PTPRM: variants seen among roughly 807,000 people sequenced by gnomAD.
PTPRM encodes the protein receptor-type tyrosine-protein phosphatase mu.
PTPRM carries 47 observed loss-of-function variants against 186.7 expected under a neutral mutation model. That is an observed-to-expected ratio of 0.25 (90% CI 0.20 to 0.32). The LOEUF (loss-of-function observed/expected upper bound fraction) is 0.32. PTPRM is among the 10% of genes least tolerant of loss of function. The pLI is 1.00. For missense variants in PTPRM, 1,494 were observed against 1,865.0 expected, an observed-to-expected ratio of 0.80 and a Z score of 3.66; for synonymous variants, 668 against 674.9, an observed-to-expected ratio of 0.99 and a Z score of 0.16.
intron 5 of PTPRM, among the ~76,000 whole-genome samples, chr18:7,944,391 G>T (rs76202410): frequency 0.022 from 3,329 of 152,214 alleles, 122 homozygotes; most frequent in African/African-American, 0.076. Flanking sequence ...AATTTACCCA[G>T]TTTCCCTTGA....
chr18:7,747,282 T>G (rs1009744578), intron 1 of PTPRM, among the ~76,000 whole-genome samples: 1 of 152,192 alleles, frequency 6.6e-6, no homozygotes, highest in Non-Finnish European at 1.5e-5. Context: ...AGGTGCACTC[T>G]AGAGATGCAC....
chr18:8,050,969 T>C (rs925432389), intron 7 of PTPRM, among the ~76,000 whole-genome samples: 10 of 152,182 alleles, frequency 6.6e-5, no homozygotes, highest in African/African-American at 2.4e-4. Context: ...AGAGCCAGGC[T>C]GCACTCAGGC....
intron 1 of PTPRM, among the ~76,000 whole-genome samples, chr18:7,598,183 T>C (rs141667526): frequency 1.6e-4 from 25 of 152,314 alleles, no homozygotes; most frequent in Admixed American, 5.9e-4. Context: ...GGTCAGTATT[T>C]CTTATTCCAG....
At chr18:8,174,138 A>G (rs1301903589) in intron 14 of PTPRM, among the ~76,000 whole-genome samples, 1 of 152,112 alleles carries the variant, frequency 6.6e-6, no homozygotes, top group Admixed American at 6.5e-5. Flanking sequence ...GAAGTTGCAA[A>G]TCTTGTCACC....
At chr18:7,938,554 C>T (rs1390082405) in intron 5 of PTPRM, among the ~76,000 whole-genome samples, 1 of 152,148 alleles carries the variant, frequency 6.6e-6, no homozygotes, top group African/African-American at 2.4e-5. Flanking sequence ...GCCAAGTTAA[C>T]CCAGTTAACA....
intron 2 of PTPRM, among the ~76,000 whole-genome samples, chr18:7,847,722 T>A (rs1211018160): frequency 1.3e-5 from 2 of 152,136 alleles, no homozygotes; most frequent in Non-Finnish European, 2.9e-5. Flanking sequence ...ACCTTCCCAC[T>A]CTCTCTCAGC....
At chr18:8,166,975 A>C (rs1037908714) in intron 14 of PTPRM, among the ~76,000 whole-genome samples, 1 of 152,218 alleles carries the variant, frequency 6.6e-6, no homozygotes, top group Non-Finnish European at 1.5e-5. Context: ...TATGATACTC[A>C]TATCTCTCCC....
chr18:7,818,478 G>A lies in PTPRM; in HGVS notation c.196+44207G>A, dbSNP rs1184963102. On this transcript the variant is annotated intron_variant, in intron 2 of 32. Coordinates refer to ENST00000580170, the MANE Select transcript of PTPRM (RefSeq NM_001105244.2). ...CTCACTTGCTCCCTGCGTGCCTGGT[G>A]TCCTCCTACTGGACTCTGAGGTTGT... 3.9e-5 allele frequency among the ~76,000 whole-genome samples: 6 copies of A among 152,196 alleles called. No homozygotes were observed. The East Asian group carries it at 9.7e-4, about 25-fold the overall frequency.
chr18:8,357,338 T>C (rs1598421831), intron 23 of PTPRM, among the ~76,000 whole-genome samples: 1 of 152,258 alleles, frequency 6.6e-6, no homozygotes, highest in East Asian at 1.9e-4. Context: ...GACCTTCTTT[T>C]GAAAATAATC....
intron 14 of PTPRM, among the ~76,000 whole-genome samples, chr18:8,237,942 C>A (rs34859607): frequency 0.25 from 37,686 of 151,834 alleles, 5,456 homozygotes; most frequent in African/African-American, 0.4. Flanking sequence ...CTGTAAGTAA[C>A]GTGTTTTCCC....
intron 19 of PTPRM, among the ~76,000 whole-genome samples, chr18:8,291,405 C>T (rs1163057684): frequency 7.2e-5 from 11 of 152,154 alleles, no homozygotes; most frequent in African/African-American, 2.7e-4. Flanking sequence ...GAACAAAGTT[C>T]TTTTCTGTCG....
chr18:7,746,063 G>A (rs916315716), intron 1 of PTPRM, among the ~76,000 whole-genome samples: 2 of 152,092 alleles, frequency 1.3e-5, no homozygotes, highest in Admixed American at 1.3e-4. Context: ...AGAATAGGGG[G>A]ATAAAGGCAA....
intron 19 of PTPRM, among the ~76,000 whole-genome samples, chr18:8,263,690 A>C (rs143257369): frequency 6.6e-6 from 1 of 152,168 alleles, no homozygotes; most frequent in East Asian, 1.9e-4. Context: ...CCTCCAGCGA[A>C]GAGGGGTAGA....
At chr18:7,825,614 G>A (rs916050890) in intron 2 of PTPRM, among the ~76,000 whole-genome samples, 2 of 152,100 alleles carry the variant, frequency 1.3e-5, no homozygotes, top group Admixed American at 1.3e-4. Flanking sequence ...ATAGAGGTTG[G>A]CTGATCCCTG....
rs562069666 is a variant in PTPRM at position 7,568,606 on chromosome 18, C to A, written c.73+715C>A. Among the ~76,000 whole-genome samples the A allele has an allele frequency of 1.3e-5, 2 of 152,210 alleles. No homozygotes were observed. The highest frequency in any genetic ancestry group is 1.9e-4 in the East Asian group (1 of 5,176). ...CTGGGCTCCCCCTCCCCACCCTCGT[C>A]CCCCTAGCGGAGCGCCGCGGCCAGC... On this transcript the variant is annotated intron_variant, in intron 1 of 32. Transcript: ENST00000580170. The surrounding 1 kb of genome is among the most constrained non-coding windows in gnomAD (Gnocchi z 5.1).
chr18:7,800,825 A>G (rs1008365951), intron 2 of PTPRM, among the ~76,000 whole-genome samples: 5 of 152,236 alleles, frequency 3.3e-5, no homozygotes, highest in African/African-American at 1.2e-4. Context: ...TGGGTTACAA[A>G]CCTGTACAGC....
chr18:7,730,305 T>C (rs2040632062), intron 1 of PTPRM, among the ~76,000 whole-genome samples: 1 of 152,216 alleles, frequency 6.6e-6, no homozygotes, highest in South Asian at 2.1e-4. Context: ...GCATAAATTG[T>C]TGTCTGACAC....
intron 20 of PTPRM, among the ~76,000 whole-genome samples, chr18:8,307,385 G>T (rs956818339): frequency 1.3e-5 from 2 of 152,130 alleles, no homozygotes; most frequent in South Asian, 4.1e-4. Flanking sequence ...CTTACCCCAC[G>T]CTCACTGCTA....
intron 10 of PTPRM, 74 bp downstream of exon 10, chr18:8,085,946 A>G (rs1237281669): frequency 1.4e-6 from 2 of 1,423,790 alleles, no homozygotes; most frequent in Admixed American, 3.4e-5. Context: ...ATTGTCAAGT[A>G]TGCCAAGCTC....
Sources: gnomAD v4.1 joint callset for allele counts (sites outside exome capture counted in the v4.1 genomes callset) on GRCh38, gnomAD v4.1.1 for gene constraint, Gnocchi (gnomAD v3.1) non-coding constraint, MANE v1.5 for transcripts, NCBI Gene and HGNC (gene_info 2026-07-23, HGNC 2026-07-21) for gene names.